Variants in MANBA observed in about 807,000 individuals in gnomAD.
MANBA encodes mannosidase beta, also known as beta-mannosidase.
Under a neutral mutation model 111.1 loss-of-function variants are expected in MANBA, and 83 were observed. The observed-to-expected ratio is 0.75, with a 90% confidence interval of 0.63 to 0.90. MANBA has a LOEUF of 0.90. Among genes scored for constraint, MANBA ranks in the 40% least tolerant of loss-of-function variants. The pLI, the probability that MANBA is intolerant of heterozygous loss-of-function variation, is 0.00. For synonymous variants in MANBA, 370 were observed against 378.7 expected (o/e 0.98, Z 0.27); for missense variants, 1,036 against 1,069.0 (o/e 0.97, Z 0.43).
At chr4:102,656,321 A>G (rs992924356) in intron 12 of MANBA, among the ~76,000 whole-genome samples, 1 of 152,164 alleles carries the variant, frequency 6.6e-6, no homozygotes, top group Non-Finnish European at 1.5e-5. Context: ...ACAAATGGCC[A>G]GTAAGCACGT....
chr4:102,643,774 T>C (rs536202067), intron 13 of MANBA, among the ~76,000 whole-genome samples: 2 of 152,324 alleles, frequency 1.3e-5, no homozygotes, highest in South Asian at 4.1e-4. Flanking sequence ...GAGTTCTTTA[T>C]ATATTCTGGA....
At chr4:102,726,809 A>G (rs111812227) in intron 1 of MANBA, 126 bp from the exon 2 acceptor site, 2 of 652,728 alleles carry the variant, frequency 3.1e-6, no homozygotes, top group African/African-American at 3.6e-5. Flanking sequence ...CTTTTAGCCT[A>G]GTAGTACAAA....
intron 1 of MANBA, chr4:102,728,104 T>C: frequency 1.9e-6 from 1 of 536,004 alleles, no homozygotes; most frequent in Non-Finnish European, 3.8e-6. Context: ...AAGAGAAGAC[T>C]GCTGCCTTAT....
chr4:102,660,116 C>A (rs1256726215), intron 11 of MANBA, among the ~76,000 whole-genome samples: 3 of 152,178 alleles, frequency 2.0e-5, no homozygotes, highest in African/African-American at 7.2e-5. Context: ...GCAAATCCAA[C>A]CTTTTAAAGC....
At chr4:102,682,660 C>G (rs1732038158) in intron 7 of MANBA, 1 of 152,060 alleles carries the variant, frequency 6.6e-6, no homozygotes. Context: ...CATACTGGGC[C>G]CTAACCCAAT....
chr4:102,709,167 A>C (rs1721900244), intron 5 of MANBA, among the ~76,000 whole-genome samples: 1 of 151,442 alleles, frequency 6.6e-6, no homozygotes, highest in East Asian at 1.9e-4. Flanking sequence ...AAGGAAAAGA[A>C]AGGAAAGGAG....
intron 13 of MANBA, among the ~76,000 whole-genome samples, chr4:102,646,427 T>A (rs1730106821): frequency 6.6e-6 from 1 of 152,084 alleles, no homozygotes; most frequent in Non-Finnish European, 1.5e-5. Context: ...TCCTAGTTCT[T>A]ATGATCAAGT....
intron 9 of MANBA, among the ~76,000 whole-genome samples, chr4:102,669,751 T>C (rs972821166): frequency 9.2e-5 from 14 of 152,006 alleles, no homozygotes; most frequent in African/African-American, 3.4e-4. Context: ...GAGGCCAAGG[T>C]GGGCAGATCA....
At chr4:102,707,270 G>A (rs1020255711) in intron 5 of MANBA, among the ~76,000 whole-genome samples, 1 of 152,146 alleles carries the variant, frequency 6.6e-6, no homozygotes, top group Non-Finnish European at 1.5e-5. Context: ...AGGAAAAAAT[G>A]GAATGATATA....
chr4:102,681,542 C>G (rs1409982230), intron 7 of MANBA: 1 of 152,060 alleles, frequency 6.6e-6, no homozygotes, highest in Non-Finnish European at 1.5e-5. Flanking sequence ...ACTTACCAAG[C>G]AAAATATTAC....
intron 1 of MANBA, among the ~76,000 whole-genome samples, chr4:102,755,762 T>A (rs1310941435): frequency 2.0e-5 from 3 of 151,958 alleles, no homozygotes; most frequent in Non-Finnish European, 4.4e-5. Context: ...ACAAAGAACT[T>A]CAACAAATTT....
chr4:102,734,546 G>A (rs577082534), intron 1 of MANBA: 39 of 1,608,178 alleles, frequency 2.4e-5, no homozygotes, highest in South Asian at 2.4e-4. Context: ...CTGAGGTGAC[G>A]AGGAAGCCCA....
At chr4:102,646,847 G>A (rs546286471) in intron 13 of MANBA, among the ~76,000 whole-genome samples, 1 of 152,158 alleles carries the variant, frequency 6.6e-6, no homozygotes, top group South Asian at 2.1e-4. Flanking sequence ...GAGCCCATAG[G>A]GATATCTTTT....
In MANBA at chr4:102,634,839, GT is replaced by G; in HGVS notation, c.2363del (p.His788ProfsTer45). On this transcript the variant is annotated frameshift_variant, in exon 16 of 17. Coordinates refer to ENST00000647097, the MANE Select transcript of MANBA (RefSeq NM_005908.4). LOFTEE classifies it high-confidence loss of function. ...CGGCCTCCTTCGGTGAGGACAAGAA[GT>G]GGTAGTTGGTCGGGCTCAGGAGTTC... Reference protein sequence around the residue: ...DHELLSPTNYHFLSSPKEAVG... With the variant: ...DHELLSPTNYXFLSSPKEAVG... 6.2e-7 allele frequency: 1 copy of G among 1,614,222 alleles called. No homozygotes were observed. The highest frequency in any genetic ancestry group is 2.2e-5 in the East Asian group (1 of 44,880).
chr4:102,652,753 G>A (rs1378911274), intron 12 of MANBA, among the ~76,000 whole-genome samples: 1 of 152,050 alleles, frequency 6.6e-6, no homozygotes. Flanking sequence ...AAATCAGCCT[G>A]GTGTGGTGGC....
At chr4:102,639,340 C>T (rs1729765329) in intron 14 of MANBA, among the ~76,000 whole-genome samples, 2 of 152,194 alleles carry the variant, frequency 1.3e-5, no homozygotes, top group African/African-American at 4.8e-5. Flanking sequence ...ATTGAATTCT[C>T]CAACACAGAA....
chr4:102,644,079 T>G (rs1729996427), intron 13 of MANBA, among the ~76,000 whole-genome samples: 1 of 152,166 alleles, frequency 6.6e-6, no homozygotes, highest in Admixed American at 6.5e-5. Context: ...TTGTATATGG[T>G]ATGAGGTAGT....
intron 8 of MANBA, 113 bp from the exon 9 acceptor site, chr4:102,671,511 G>T: frequency 1.4e-6 from 1 of 704,192 alleles, no homozygotes; most frequent in South Asian, 1.6e-5. Context: ...ATGATGGTTT[G>T]GTTACAATGT....
At chr4:102,752,114 G>C (rs1390235105) in intron 1 of MANBA, 1 of 764,870 alleles carries the variant, frequency 1.3e-6, no homozygotes, top group Non-Finnish European at 2.4e-6. Context: ...ACACAGAGCA[G>C]CTATGACTCC....
Sources: gnomAD v4.1 joint callset for allele counts (sites outside exome capture counted in the v4.1 genomes callset) on GRCh38, gnomAD v4.1.1 for gene constraint, MANE v1.5 for transcripts, NCBI Gene and HGNC (gene_info 2026-07-23, HGNC 2026-07-21) for gene names.